The following MRC1 variants were observed in gnomAD, a reference collection of about 807,000 sequenced individuals.
MRC1 encodes mannose receptor C-type 1.
Under a neutral mutation model 102.9 loss-of-function variants are expected in MRC1, and 62 were observed. The observed-to-expected ratio is 0.60, with a 90% CI of 0.49 to 0.74. The LOEUF (loss-of-function observed/expected upper bound fraction) is 0.74. Among genes scored for constraint, MRC1 ranks in the 30% least tolerant of loss-of-function variants. MRC1 has a pLI of 0.00. For synonymous variants in MRC1, 457 were observed against 298.4 expected, an observed-to-expected ratio of 1.53 and a Z score of -5.48; for missense variants, 1,237 against 862.8, an observed-to-expected ratio of 1.43 and a Z score of -5.43.
At chr10:17,839,788 G>A (rs1389284541) in intron 4 of MRC1, among the ~76,000 whole-genome samples, 1 of 152,084 alleles carries the variant, frequency 6.6e-6, no homozygotes, top group East Asian at 1.9e-4. Flanking sequence ...GCAGGGTATG[G>A]TGGCTCACGC....
chr10:17,812,223 C>T lies in MRC1; in HGVS notation c.61+2697C>T, dbSNP rs1564606927. 3.3e-5 allele frequency among the ~76,000 whole-genome samples: 5 copies of T among 152,282 alleles called. No homozygotes were observed. In the East Asian group the frequency reaches 9.7e-4, roughly 29 times the overall value. On this transcript the variant is annotated intron_variant, in intron 1 of 29. Transcript: ENST00000569591. ...TAACAGGGCTAGACGCTCACCTTTC[C>T]TACTGTTGTTCTTGCCGCACTATCT...
intron 7 of MRC1, among the ~76,000 whole-genome samples, chr10:17,851,571 C>T (rs1838917344): frequency 6.6e-6 from 1 of 152,086 alleles, no homozygotes. Context: ...CAAGATTGTG[C>T]TTAGGAATTG....
intron 1 of MRC1, among the ~76,000 whole-genome samples, chr10:17,821,508 GT>G (rs1201034766): frequency 6.6e-6 from 1 of 151,664 alleles, no homozygotes; most frequent in Non-Finnish European, 1.5e-5. Context: ...TAAAGGTTTT[GT>G]TTTTTGTTTG....
intron 9 of MRC1, among the ~76,000 whole-genome samples, chr10:17,857,863 G>A (rs978096831): frequency 6.6e-6 from 1 of 152,286 alleles, no homozygotes; most frequent in Non-Finnish European, 1.5e-5. Context: ...AATGCTATCA[G>A]TGTGGGAAAC....
At position 17,909,332 on chromosome 10, in the gene MRC1, T is replaced by A. The variant is rs782024524; in HGVS notation, c.4105T>A (p.Leu1369Ile). Residue 1369 changes from leucine (L) to isoleucine (I), a missense_variant, in exon 29 of 30, where the codon TTA becomes ATA. By Grantham distance (5) the Leu-to-Ile change is conservative (BLOSUM62 2). Coordinates refer to ENST00000569591, the MANE Select transcript of MRC1 (RefSeq NM_002438.4). ...TATTGATGCTAAACCTACTCATGAA[T>A]TACTTACAACAAAAGGTAAGGCCAT... ...KIIDAKPTHE[L>I]LTTKADTRKM... 1 of 871,898 alleles carries A rather than the reference T, an allele frequency of 1.1e-6. No individual in the cohort carries two copies. Among genetic ancestry groups the A allele is most frequent in the Middle Eastern group, 2.2e-4 (1 of 4,594 alleles). The allele number at this position is 871,898 out of a possible 1,614,324, so 54.0% of individuals were successfully genotyped here.
At chr10:17,851,208 T>A (rs1554840543) in intron 7 of MRC1, among the ~76,000 whole-genome samples, 5 of 152,212 alleles carry the variant, frequency 3.3e-5, no homozygotes, top group African/African-American at 9.6e-5. Context: ...ATAATTATTT[T>A]AGGAAATTGG....
At position 17,839,051 on chromosome 10, in the gene MRC1, C is replaced by G. The variant is rs1023252413; in HGVS notation, c.803-1642C>G. On this transcript the variant is annotated intron_variant, in intron 4 of 29. Coordinates refer to ENST00000569591, the MANE Select transcript of MRC1 (RefSeq NM_002438.4). ...CACCTTTGCCAACCTTAATATGAAG[C>G]TATTGATAATAATAATAATAATGGT... Among the ~76,000 whole-genome samples, 19 of 152,048 alleles carry G rather than the reference C, an allele frequency of 1.2e-4. No homozygotes were observed. The East Asian group carries it at 3.5e-3, about 28-fold the overall frequency.
chr10:17,885,372 C>T lies in MRC1; in HGVS notation c.3084C>T (p.Val1028=). The T allele has an allele frequency of 1.3e-6, 1 of 780,818 alleles. No homozygotes were observed. The highest frequency in any genetic ancestry group is 2.4e-6 in the Non-Finnish European group (1 of 417,946). 48.4% of individuals were successfully genotyped at this position (780,818 alleles called of 1,614,324 possible). The change falls in exon 22 of 30, where the codon GTC becomes GTT. Residue 1028 remains valine (V), a synonymous_variant. Transcript: ENST00000569591. ...TCCTTTGGACGGATGGACGAGGAGTCCATTACACAAACTGGGGGAAAGGTT... is the reference window on the plus strand; with the variant it reads ...TCCTTTGGACGGATGGACGAGGAGTTCATTACACAAACTGGGGGAAAGGTT... ...HTFLWTDGRG[V]HYTNWGKGYP...
chr10:17,845,304 A>C lies in MRC1; in HGVS notation c.932A>C (p.Glu311Ala). The change falls in exon 6 of 30, where the codon GAA (glutamate) becomes GCA (alanine). Residue 311 changes from glutamate (E) to alanine (A), a missense_variant. Physicochemically the swap from Glu to Ala is moderately radical, Grantham distance 107 (BLOSUM62 -1). Coordinates refer to ENST00000569591, the MANE Select transcript of MRC1 (RefSeq NM_002438.4). The stretch of plus-strand genomic sequence containing the variant: ...TTCCTCGAAGGAAGTCCATCAGCTG[A>C]ACCTGGAAAAAGCTGTGTGTCACTA... The part of the protein sequence containing the change: ...LNWLPGSPSA[E>A]PGKSCVSLNP... 1 of 780,830 alleles carries C rather than the reference A, an allele frequency of 1.3e-6. No homozygotes were observed. The highest frequency in any genetic ancestry group is 2.4e-6 in the Non-Finnish European group (1 of 417,936). The allele number at this position is 780,830 out of a possible 1,614,324, so 48.4% of individuals were successfully genotyped here.
chr10:17,894,404 T>C, intron 23 of MRC1, 92 bp downstream of exon 23: 2 of 688,394 alleles, frequency 2.9e-6, no homozygotes, highest in South Asian at 1.7e-5. Context: ...CTTTTTTTTT[T>C]TTTTTTTTTT....
intron 28 of MRC1, among the ~76,000 whole-genome samples, chr10:17,908,435 C>T (rs994205611): frequency 6.6e-6 from 1 of 151,240 alleles, no homozygotes; most frequent in East Asian, 1.9e-4. Context: ...CCATCATGCC[C>T]GGCTAATTTT....
intron 3 of MRC1, among the ~76,000 whole-genome samples, chr10:17,833,085 A>T (rs1276877688): frequency 2.6e-5 from 4 of 151,140 alleles, no homozygotes; most frequent in African/African-American, 9.8e-5. Flanking sequence ...TCCCAACTCA[A>T]TTGATCCCGA....
chr10:17,871,783 A>G (rs1024941728), intron 14 of MRC1, among the ~76,000 whole-genome samples, 199 bp from the exon 15 acceptor site: 3 of 152,194 alleles, frequency 2.0e-5, no homozygotes, highest in African/African-American at 7.2e-5. Flanking sequence ...ACGTTATTCA[A>G]CATCACAAGG....
Position 17,848,383 on chromosome 10 carries a change from G to A in MRC1, c.1064-1196G>A, listed in dbSNP as rs1026775969. Among the ~76,000 whole-genome samples, 3 of 152,096 alleles carry A rather than the reference G, an allele frequency of 2.0e-5. No individual in the cohort carries two copies. The East Asian group carries it at 5.8e-4, about 29-fold the overall frequency. Reference sequence around the variant, plus strand: ...CTTCCAATACTCAATACGCTTATATGTACCAGGCCCTGTGCCAGGCTCAAG... The same window carrying A: ...CTTCCAATACTCAATACGCTTATATATACCAGGCCCTGTGCCAGGCTCAAG... On this transcript the variant is annotated intron_variant, in intron 6 of 29. Transcript: ENST00000569591.
intron 17 of MRC1, 134 bp from the exon 18 acceptor site, chr10:17,877,766 G>C: frequency 1.3e-6 from 1 of 747,298 alleles, no homozygotes; most frequent in Non-Finnish European, 2.5e-6. Context: ...AATATAGAAT[G>C]TACTACATTT....
At chr10:17,880,368 G>A (rs935150818) in intron 19 of MRC1, among the ~76,000 whole-genome samples, 157 bp from the exon 20 acceptor site, 2 of 152,100 alleles carry the variant, frequency 1.3e-5, no homozygotes, top group Non-Finnish European at 2.9e-5. Flanking sequence ...ACAGCAAAAG[G>A]ATATTGCATG....
At chr10:17,856,931 T>A (rs1289015275) in intron 9 of MRC1, among the ~76,000 whole-genome samples, 1 of 152,188 alleles carries the variant, frequency 6.6e-6, no homozygotes, top group African/African-American at 2.4e-5. Context: ...AAATAGTTTT[T>A]TAAAGCACAC....
intron 4 of MRC1, among the ~76,000 whole-genome samples, chr10:17,836,222 T>A (rs534986539): frequency 2.6e-5 from 4 of 152,324 alleles, no homozygotes; most frequent in African/African-American, 9.6e-5. Context: ...CCAGAACACA[T>A]CTCTCCTATA....
chr10:17,880,344 T>C (rs1383490653), intron 19 of MRC1, among the ~76,000 whole-genome samples, 181 bp from the exon 20 acceptor site: 1 of 152,228 alleles, frequency 6.6e-6, no homozygotes, highest in Non-Finnish European at 1.5e-5. Context: ...GGAACTATTA[T>C]TAGTTTAAGT....
Sources: allele counts gnomAD v4.1 joint callset (sites outside exome capture counted in the v4.1 genomes callset), GRCh38; gene constraint gnomAD v4.1.1; transcripts MANE v1.5; gene names NCBI Gene and HGNC (gene_info 2026-07-23, HGNC 2026-07-21).